Variants in GRAMD1C observed in about 807,000 individuals in gnomAD.
GRAMD1C encodes the protein protein Aster-C.
In GRAMD1C, 89 loss-of-function variants were observed where a neutral mutation model predicts 97.8. The ratio of observed to expected loss-of-function variants is 0.91; its 90% CI spans 0.77 to 1.09. The LOEUF (loss-of-function observed/expected upper bound fraction) is 1.09. Among genes scored for constraint, GRAMD1C ranks in the 50% least tolerant of loss-of-function variants. The pLI is 0.00. For missense variants in GRAMD1C, 740 were observed against 766.4 expected, an observed-to-expected ratio of 0.97 and a Z score of 0.41; for synonymous variants, 256 against 267.0, an observed-to-expected ratio of 0.96 and a Z score of 0.40.
chr3:113,904,301 T>C, intron 8 of GRAMD1C, 29 bp downstream of exon 8: 2 of 1,418,244 alleles, frequency 1.4e-6, no homozygotes, highest in Middle Eastern at 1.8e-4. Context: ...TTTTAAAATA[T>C]ATCTGGTACT....
intron 6 of GRAMD1C, chr3:113,885,977 C>G (rs935359822): frequency 6.4e-7 from 1 of 1,555,630 alleles, no homozygotes; most frequent in African/African-American, 1.4e-5. Flanking sequence ...TCAGGTTCAC[C>G]GCTGACGTTC....
At chr3:113,908,344 A>G (rs1481408227) in intron 8 of GRAMD1C, among the ~76,000 whole-genome samples, 1 of 152,198 alleles carries the variant, frequency 6.6e-6, no homozygotes, top group Non-Finnish European at 1.5e-5. Flanking sequence ...TTATTAAACC[A>G]TCTCAGAAAG....
In GRAMD1C at chr3:113,831,425, CT is replaced by C. The variant is rs1709555177; in HGVS notation, n.98+3154del. 5.3e-4 allele frequency among the ~76,000 whole-genome samples: 4 copies of C among 7,518 alleles called. No homozygotes were observed. The South Asian group carries it at 0.29, about 537-fold the overall frequency. 4.9% of individuals were successfully genotyped at this position (7,518 alleles called of 152,430 possible). A position where few individuals can be genotyped will look rare whatever the true frequency, so the allele number is the denominator to read the frequency against. The stretch of plus-strand genomic sequence containing the variant: ...GCACTGTATATTGTTTTGCACCTTA[CT>C]TTTTTTTAATGTGACAAAATTTTTT... On this transcript the variant is annotated intron_variant and non_coding_transcript_variant, in intron 1 of 18. Transcript: ENST00000479212.
intron 11 of GRAMD1C, among the ~76,000 whole-genome samples, chr3:113,931,061 G>A (rs1001596033): frequency 1.3e-5 from 2 of 152,108 alleles, no homozygotes; most frequent in Admixed American, 6.5e-5. Context: ...TTCAGGAATT[G>A]TTTATTTTTT....
chr3:113,884,862 AAGAG>A (rs1471284145), intron 6 of GRAMD1C, among the ~76,000 whole-genome samples: 2 of 149,738 alleles, frequency 1.3e-5, no homozygotes, highest in Non-Finnish European at 3.0e-5. Flanking sequence ...AAAAAGAAAA[AAGAG>A]AGAGGCGCAG....
At chr3:113,919,051 A>AT (rs1439839045) in intron 10 of GRAMD1C, among the ~76,000 whole-genome samples, 1 of 152,128 alleles carries the variant, frequency 6.6e-6, no homozygotes, top group Non-Finnish European at 1.5e-5. Context: ...GAATTTAATG[A>AT]TTTTTTTAAA....
intron 2 of GRAMD1C, among the ~76,000 whole-genome samples, chr3:113,869,208 A>G (rs1379572762): frequency 1.3e-5 from 2 of 152,130 alleles, no homozygotes; most frequent in Non-Finnish European, 2.9e-5. Flanking sequence ...TCATGAACAA[A>G]TACTTCTCAG....
At chr3:113,903,260 A>G (rs373676169) in intron 7 of GRAMD1C, among the ~76,000 whole-genome samples, 1 of 151,988 alleles carries the variant, frequency 6.6e-6, no homozygotes, top group East Asian at 1.9e-4. Flanking sequence ...GGCATGAGCC[A>G]TCATGCCCGG....
chr3:113,883,239 A>G (rs2107401775), intron 6 of GRAMD1C, among the ~76,000 whole-genome samples: 1 of 152,236 alleles, frequency 6.6e-6, no homozygotes, highest in Non-Finnish European at 1.5e-5. Context: ...AAATACATGA[A>G]CCAAGCCAGG....
At chr3:113,907,336 C>T (rs1936406431) in intron 8 of GRAMD1C, among the ~76,000 whole-genome samples, 1 of 152,182 alleles carries the variant, frequency 6.6e-6, no homozygotes, top group South Asian at 2.1e-4. Flanking sequence ...TCTACCTTAG[C>T]CTGGTTTTGT....
intron 2 of GRAMD1C, among the ~76,000 whole-genome samples, chr3:113,856,108 G>C (rs1192368175): frequency 6.6e-6 from 1 of 151,888 alleles, no homozygotes; most frequent in Non-Finnish European, 1.5e-5. Flanking sequence ...GGCTGGTGTC[G>C]AACTCCTGAC....
intron 3 of GRAMD1C, among the ~76,000 whole-genome samples, chr3:113,870,309 C>T (rs1013745043): frequency 6.6e-6 from 1 of 151,694 alleles, no homozygotes; most frequent in Non-Finnish European, 1.5e-5. Context: ...CTGCAGTGAG[C>T]TATGGTGGTG....
intron 2 of GRAMD1C, among the ~76,000 whole-genome samples, chr3:113,859,210 G>A (rs1934273421): frequency 6.6e-6 from 1 of 151,992 alleles, no homozygotes. Context: ...TGGGCATTTA[G>A]TGCTATAAAT....
intron 8 of GRAMD1C, among the ~76,000 whole-genome samples, chr3:113,906,232 G>A (rs566154636): frequency 2.9e-4 from 44 of 152,226 alleles, no homozygotes; most frequent in African/African-American, 1.0e-3. Context: ...TACAAAAAAA[G>A]TTAACTTTGA....
intron 6 of GRAMD1C, chr3:113,886,028 G>T: frequency 8.0e-7 from 1 of 1,255,470 alleles, no homozygotes. Flanking sequence ...ATCGGCTCTG[G>T]TGACAGCTAA....
chr3:113,885,432 C>T lies in GRAMD1C; in HGVS notation c.540+2600C>T, dbSNP rs569960219. ...AGTACCAAACTGTTCGATATGATATCCTCCCCTTATCTCCTGTGTCCCGGA... is the reference window on the plus strand; with the variant it reads ...AGTACCAAACTGTTCGATATGATATTCTCCCCTTATCTCCTGTGTCCCGGA... On this transcript the variant is annotated intron_variant, in intron 6 of 17. Transcript: ENST00000358160. 65 of 1,571,898 alleles carry T rather than the reference C, an allele frequency of 4.1e-5. No individual in the cohort carries two copies. In the African/African-American group the frequency reaches 7.4e-4, roughly 18 times the overall value.
Position 113,884,196 on chromosome 3 carries a change from C to T in GRAMD1C, c.540+1364C>T, listed in dbSNP as rs116627947. Among the ~76,000 whole-genome samples, 186 of 152,118 alleles carry T rather than the reference C, an allele frequency of 1.2e-3. 1 individual carries two copies. Among genetic ancestry groups the T allele is most frequent in the African/African-American group, 3.5e-3 (144 of 41,490 alleles). On this transcript the variant is annotated intron_variant, in intron 6 of 17. Transcript: ENST00000358160. ...CACATGAAACATTCTCCAGAATAGA[C>T]GATATGCTAGGTCAAAAAACAGGTG...
intron 2 of GRAMD1C, among the ~76,000 whole-genome samples, chr3:113,856,579 G>A (rs959546401): frequency 6.6e-5 from 10 of 151,966 alleles, no homozygotes; most frequent in Non-Finnish European, 8.8e-5. Context: ...CTGCTCTGTC[G>A]CCCAGGCGGG....
chr3:113,904,946 G>A (rs370269832), intron 8 of GRAMD1C, among the ~76,000 whole-genome samples: 3 of 151,928 alleles, frequency 2.0e-5, no homozygotes, highest in African/African-American at 7.3e-5. Context: ...ACAATTCTCC[G>A]GCCTCAGCCT....
Sources: allele counts gnomAD v4.1 joint callset (sites outside exome capture counted in the v4.1 genomes callset), GRCh38; gene constraint gnomAD v4.1.1; transcripts MANE v1.5; gene names NCBI Gene and HGNC (gene_info 2026-07-23, HGNC 2026-07-21).